The following ZNF599 variants were observed in gnomAD, a reference collection of about 807,000 sequenced individuals.
ZNF599 encodes zinc finger protein 599.
Under a neutral mutation model 11.7 loss-of-function variants are expected in ZNF599, and 10 were observed. The ratio of observed to expected loss-of-function variants is 0.86; its 90% confidence interval spans 0.53 to 1.45. ZNF599 has a LOEUF of 1.45. Ranked by LOEUF, ZNF599 falls within the 40% of genes most tolerant of loss-of-function variation. The pLI, the probability that ZNF599 is intolerant of heterozygous loss-of-function variation, is 0.00. For missense variants in ZNF599, 688 were observed against 713.6 expected, an observed-to-expected ratio of 0.96 and a Z score of 0.41; for synonymous variants, 232 against 253.2, an observed-to-expected ratio of 0.92 and a Z score of 0.79.
chr19:34,773,814 T>C (rs1458215090), upstream of ZNF599, among the ~76,000 whole-genome samples: 1 of 152,036 alleles, frequency 6.6e-6, no homozygotes, highest in Non-Finnish European at 1.5e-5. Context: ...AAGCCACCTG[T>C]TTGGTGGGAA....
At chr19:34,778,296 C>G in the ZNF599 span, among the ~76,000 whole-genome samples, 1 of 150,646 alleles carries the variant, frequency 6.6e-6, no homozygotes, top group African/African-American at 2.4e-5. Flanking sequence ...GCACATGTAC[C>G]CTAGAACTTA....
the ZNF599 span, among the ~76,000 whole-genome samples, chr19:34,787,219 T>TATCATCATC: frequency 6.7e-6 from 1 of 148,532 alleles, no homozygotes; most frequent in Admixed American, 6.7e-5. Flanking sequence ...CGGCTATTTT[T>TATCATCATC]ATCATCATCA....
At chr19:34,764,089 A>C (rs1266074373) in intron 3 of ZNF599, 1 of 152,184 alleles carries the variant, frequency 6.6e-6, no homozygotes, top group Non-Finnish European at 1.5e-5. Flanking sequence ...CTCAAAAAAA[A>C]CCCAAAAACC....
At chr19:34,777,244 T>C (rs756430925), upstream of ZNF599, among the ~76,000 whole-genome samples, 27 of 130,214 alleles carry the variant, frequency 2.1e-4, no homozygotes, top group Non-Finnish European at 4.1e-4. Flanking sequence ...TAAATATATA[T>C]TTAAAATATA....
chr19:34,781,019 G>T, the ZNF599 span, among the ~76,000 whole-genome samples: 2 of 152,124 alleles, frequency 1.3e-5, no homozygotes, highest in African/African-American at 4.8e-5. Context: ...AGCCGGGCGC[G>T]GTGGCGGGCA....
At chr19:34,777,217 T>G (rs2145472777), upstream of ZNF599, among the ~76,000 whole-genome samples, 1 of 140,854 alleles carries the variant, frequency 7.1e-6, no homozygotes, top group East Asian at 2.1e-4. Flanking sequence ...ATTTTTAAAA[T>G]ATTTGCTCTG....
the ZNF599 span, among the ~76,000 whole-genome samples, chr19:34,794,796 C>T: frequency 6.6e-6 from 1 of 152,118 alleles, no homozygotes; most frequent in African/African-American, 2.4e-5. Context: ...GTCTCAAATT[C>T]CTGACCTTAA....
chr19:34,779,374 T>A, the ZNF599 span: 6 of 403,986 alleles, frequency 1.5e-5, no homozygotes, highest in Non-Finnish European at 2.9e-5. Context: ...CTGCTGGGAT[T>A]ACAGGTGTGA....
intron 3 of ZNF599, chr19:34,763,420 G>C (rs1283661400): frequency 2.0e-5 from 3 of 152,246 alleles, no homozygotes; most frequent in African/African-American, 7.2e-5. Flanking sequence ...CAGCACTTTG[G>C]AAGGCCAAGA....
intron 3 of ZNF599, among the ~76,000 whole-genome samples, chr19:34,761,211 G>A (rs1228882912): frequency 6.6e-6 from 1 of 152,140 alleles, no homozygotes; most frequent in Non-Finnish European, 1.5e-5. Flanking sequence ...AAGTGAGAAG[G>A]GTGAGAACCA....
upstream of ZNF599, among the ~76,000 whole-genome samples, chr19:34,777,541 T>C (rs1048863520): frequency 1.6e-5 from 2 of 121,548 alleles, no homozygotes; most frequent in East Asian, 4.2e-4. Flanking sequence ...AATCTATATA[T>C]CTATATTATA....
the ZNF599 span, among the ~76,000 whole-genome samples, chr19:34,796,252 T>G: frequency 6.6e-6 from 1 of 152,060 alleles, no homozygotes; most frequent in Non-Finnish European, 1.5e-5. Context: ...TATACCCAAC[T>G]AGTGATTCTG....
At chr19:34,770,733 G>T (rs748626719) in intron 1 of ZNF599, among the ~76,000 whole-genome samples, 4 of 152,186 alleles carry the variant, frequency 2.6e-5, no homozygotes, top group Non-Finnish European at 4.4e-5. Flanking sequence ...GGTGAGAATG[G>T]GATGTTGGCA....
rs376291297 is a variant in ZNF599, at chr19:34,759,669, G to A, written c.1132C>T (p.Leu378Phe). The A allele has an allele frequency of 5.0e-6, 8 of 1,614,014 alleles. No individual in the cohort carries two copies. The African/African-American group carries it at 5.3e-5, about 11-fold the overall frequency. The change falls in exon 4 of 4, where the codon CTC (leucine) becomes TTC (phenylalanine). Residue 378 changes from leucine (L) to phenylalanine (F), a missense_variant. Transcript: ENST00000329285. ...ATGTGCTGAGTGAAGGATGAGTTGA[G>A]GCAAAAGGTTTTTCCACATTCTTTA... Reference protein sequence around the residue: ...LCKECGKTFCLNSSFTQHMRI... With the variant: ...LCKECGKTFCFNSSFTQHMRI...
chr19:34,772,929 G>A lies in ZNF599; in HGVS notation c.-88C>T. 1 of 1,355,780 alleles carries A rather than the reference G, an allele frequency of 7.4e-7. No individual in the cohort carries two copies. Among genetic ancestry groups the A allele is most frequent in the Non-Finnish European group, 9.5e-7 (1 of 1,048,182 alleles). 84.0% of individuals were successfully genotyped at this position (1,355,780 alleles called of 1,614,324 possible). A position where few individuals can be genotyped will look rare whatever the true frequency, so the allele number is the denominator to read the frequency against. On this transcript the variant is annotated 5_prime_UTR_variant, in exon 1 of 4. Coordinates refer to ENST00000329285, the MANE Select transcript of ZNF599 (RefSeq NM_001007248.3). Reference sequence around the variant, plus strand: ...CGACCCCGGGCTCCGGCTCTGGGCTGCGAGGGACCTCAGTCCCCGCCGTCG... The same window carrying A: ...CGACCCCGGGCTCCGGCTCTGGGCTACGAGGGACCTCAGTCCCCGCCGTCG...
chr19:34,789,540 C>T, the ZNF599 span, among the ~76,000 whole-genome samples: 1 of 152,166 alleles, frequency 6.6e-6, no homozygotes, highest in Admixed American at 6.5e-5. Flanking sequence ...TTGATAACAG[C>T]CATTCTAACA....
the ZNF599 span, among the ~76,000 whole-genome samples, chr19:34,803,071 G>C: frequency 6.6e-6 from 1 of 152,160 alleles, no homozygotes; most frequent in African/African-American, 2.4e-5. Context: ...AGAACCTGGG[G>C]CGGAGAGGTC....
chr19:34,776,388 T>C (rs2069216816), upstream of ZNF599, among the ~76,000 whole-genome samples: 1 of 152,220 alleles, frequency 6.6e-6, no homozygotes, highest in South Asian at 2.1e-4. Flanking sequence ...AGTTAATGGG[T>C]TTGATTATTA....
the ZNF599 span, among the ~76,000 whole-genome samples, chr19:34,799,585 A>G: frequency 2.0e-5 from 3 of 152,224 alleles, no homozygotes; most frequent in African/African-American, 4.8e-5. Context: ...CCCTAACCCC[A>G]GTGTGACTAT....
Sources: allele counts gnomAD v4.1 joint callset (sites outside exome capture counted in the v4.1 genomes callset), GRCh38; gene constraint gnomAD v4.1.1; transcripts MANE v1.5; gene names NCBI Gene and HGNC (gene_info 2026-07-23, HGNC 2026-07-21).